ISCA1: variants seen among roughly 807,000 people sequenced by gnomAD.
ISCA1 encodes iron-sulfur cluster assembly 1.
Under a neutral mutation model 14.7 loss-of-function variants are expected in ISCA1, and 9 were observed. That is an observed-to-expected ratio of 0.61 (90% CI 0.37 to 1.07). The LOEUF (loss-of-function observed/expected upper bound fraction) is 1.07. Among genes scored for constraint, ISCA1 ranks in the 50% least tolerant of loss-of-function variants. The pLI, the probability that ISCA1 is intolerant of heterozygous loss-of-function variation, is 0.01. For missense variants in ISCA1, 102 were observed against 150.1 expected (o/e 0.68, Z 1.67); for synonymous variants, 38 against 54.3 (o/e 0.70, Z 1.32).
chr9:86,265,204 C>T lies in ISCA1; in HGVS notation c.*839G>A, dbSNP rs1825279941. 1 of 152,226 alleles carries T rather than the reference C, an allele frequency of 6.6e-6. No individual in the cohort carries two copies. The highest frequency in any genetic ancestry group is 2.1e-4 in the South Asian group (1 of 4,830). 9.4% of individuals were successfully genotyped at this position (152,226 alleles called of 1,614,324 possible). The stretch of plus-strand genomic sequence containing the variant: ...AAAGAAGTCAGACCATTTGCCTTCG[C>T]TGACTGCCTCAGAGGGCAGAGCATG... On this transcript the variant is annotated 3_prime_UTR_variant, in exon 4 of 4. Transcript: ENST00000375991.
intron 2 of ISCA1, among the ~76,000 whole-genome samples, chr9:86,273,876 T>G (rs1825406116): frequency 6.6e-6 from 1 of 152,206 alleles, no homozygotes; most frequent in African/African-American, 2.4e-5. Flanking sequence ...TTCTACAATC[T>G]GCCCTAAAGT....
intron 3 of ISCA1, among the ~76,000 whole-genome samples, chr9:86,269,352 A>G (rs1358453924): frequency 2.0e-5 from 3 of 152,258 alleles, no homozygotes; most frequent in Non-Finnish European, 4.4e-5. Context: ...TGCTTCAAAG[A>G]GAATAAAATA....
chr9:86,277,526 G>A (rs760541209), intron 1 of ISCA1, among the ~76,000 whole-genome samples: 1 of 152,196 alleles, frequency 6.6e-6, no homozygotes, highest in East Asian at 1.9e-4. Context: ...CAGTACCAGG[G>A]AGAGGCTAAG....
chr9:86,281,323 C>T (rs1370214284), intron 1 of ISCA1, among the ~76,000 whole-genome samples: 1 of 152,196 alleles, frequency 6.6e-6, no homozygotes, highest in African/African-American at 2.4e-5. Flanking sequence ...CAATTTTCTT[C>T]TACTTTGCTA....
At chr9:86,270,164 A>C (rs1337611641) in intron 3 of ISCA1, among the ~76,000 whole-genome samples, 85 of 139,546 alleles carry the variant, frequency 6.1e-4, no homozygotes, top group Admixed American at 8.7e-4. Context: ...CAACCTACAA[A>C]ATGGGAGAAA....
In ISCA1 at chr9:86,271,887, C is replaced by A. The variant is rs76881852; in HGVS notation, c.241+120G>T. 4,207 of 636,740 alleles carry A rather than the reference C, an allele frequency of 6.6e-3. 156 individuals are homozygous for A. The East Asian group carries it at 0.083, about 13-fold the overall frequency. 39.4% of individuals were successfully genotyped at this position (636,740 alleles called of 1,614,324 possible). On this transcript the variant is annotated intron_variant, in intron 3 of 3. Transcript: ENST00000375991. The stretch of plus-strand genomic sequence containing the variant: ...GAAATTCCATCAAACAACACCTACA[C>A]ACACAGTGAGCATTATTTACATAAT...
chr9:86,275,749 G>A (rs537454629), intron 1 of ISCA1, among the ~76,000 whole-genome samples: 3 of 152,196 alleles, frequency 2.0e-5, no homozygotes, highest in Non-Finnish European at 4.4e-5. Flanking sequence ...GTTTCCCATG[G>A]TTCTGTCAGA....
intron 3 of ISCA1, among the ~76,000 whole-genome samples, chr9:86,270,383 CCA>C (rs1314090250): frequency 6.6e-6 from 1 of 151,452 alleles, no homozygotes; most frequent in African/African-American, 2.4e-5. Context: ...CAAATCAAAA[CCA>C]CAATGAGATA....
rs985493835 is a variant in ISCA1, at chr9:86,282,178, G to A, written c.81+200C>T. 6 of 616,152 alleles carry A rather than the reference G, an allele frequency of 9.7e-6. No homozygotes were observed. In the South Asian group the frequency reaches 1.1e-4, roughly 11 times the overall value. The allele number at this position is 616,152 out of a possible 1,614,324, so 38.2% of individuals were successfully genotyped here. On this transcript the variant is annotated intron_variant, in intron 1 of 3. Transcript: ENST00000375991. ...CGTAGTTTCCGGGGCCAAGAGAGCAGCCCCGCCCGGGACTTGTTTATCGTT... is the reference window on the plus strand; with the variant it reads ...CGTAGTTTCCGGGGCCAAGAGAGCAACCCCGCCCGGGACTTGTTTATCGTT...
At chr9:86,268,111 TA>T (rs973454445) in intron 3 of ISCA1, among the ~76,000 whole-genome samples, 6 of 147,996 alleles carry the variant, frequency 4.1e-5, no homozygotes, top group Admixed American at 6.7e-5. Flanking sequence ...CTTCTACTTA[TA>T]AAAAAAAAAG....
chr9:86,272,700 A>C (rs1825386485), intron 2 of ISCA1, among the ~76,000 whole-genome samples: 1 of 152,234 alleles, frequency 6.6e-6, no homozygotes, highest in African/African-American at 2.4e-5. Flanking sequence ...AATTGGTTCC[A>C]GGACTAACTG....
intron 3 of ISCA1, among the ~76,000 whole-genome samples, chr9:86,268,121 A>C (rs868720965): frequency 3.3e-5 from 5 of 151,954 alleles, no homozygotes; most frequent in Non-Finnish European, 5.9e-5. Context: ...TAAAAAAAAA[A>C]GTTAACCGTG....
chr9:86,266,613 T>C (rs922583254), intron 3 of ISCA1, among the ~76,000 whole-genome samples: 1 of 152,110 alleles, frequency 6.6e-6, no homozygotes, highest in Non-Finnish European at 1.5e-5. Flanking sequence ...TGTGATACAA[T>C]GGGGCTATTT....
intron 1 of ISCA1, 98 bp downstream of exon 1, chr9:86,282,280 G>C (rs1000895680): frequency 2.3e-6 from 3 of 1,323,906 alleles, no homozygotes; most frequent in Non-Finnish European, 3.1e-6. Flanking sequence ...TGACGTGTCC[G>C]CGTCCCTGCG....
intron 3 of ISCA1, among the ~76,000 whole-genome samples, chr9:86,271,668 T>C (rs1825370158): frequency 6.6e-6 from 1 of 152,238 alleles, no homozygotes; most frequent in Non-Finnish European, 1.5e-5. Flanking sequence ...ACGATGATCT[T>C]TCATAGTTAA....
chr9:86,274,783 C>G (rs745800495), intron 1 of ISCA1, among the ~76,000 whole-genome samples: 11 of 152,046 alleles, frequency 7.2e-5, no homozygotes, highest in Non-Finnish European at 1.2e-4. Context: ...GCTTCTTGCA[C>G]CAGTCCCACC....
At position 86,276,870 on chromosome 9, in the gene ISCA1, C is replaced by CAAAA. The variant is rs35460722; in HGVS notation, c.82-2632_82-2629dup. On this transcript the variant is annotated intron_variant, in intron 1 of 3. Transcript: ENST00000375991. ...TGGGAAACAGAGTGAGACTCTGTCTCAAAAAAAAAAAAAAAAAAAAAAAAA... is the reference window on the plus strand; with the variant it reads ...TGGGAAACAGAGTGAGACTCTGTCTCAAAAAAAAAAAAAAAAAAAAAAAAAAAAA... Among the ~76,000 whole-genome samples the CAAAA allele has an allele frequency of 7.7e-3, 309 of 39,880 alleles. 42 individuals carry two copies. The highest frequency in any genetic ancestry group is 0.042 in the Middle Eastern group (1 of 24). The allele number at this position is 39,880 out of a possible 152,430, so 26.2% of individuals were successfully genotyped here.
At chr9:86,281,827 C>T (rs771629593) in intron 1 of ISCA1, 33 of 153,882 alleles carry the variant, frequency 2.1e-4, no homozygotes, top group Non-Finnish European at 3.8e-4. Flanking sequence ...CCCAGGACAC[C>T]GGCAAGTAAC....
rs1338558501 is a variant in ISCA1 at position 86,265,950 on chromosome 9, T to C, written c.*93A>G. 3 of 1,544,056 alleles carry C rather than the reference T, an allele frequency of 1.9e-6. No individual in the cohort carries two copies. In the African/African-American group the frequency reaches 4.1e-5, roughly 21 times the overall value. The stretch of plus-strand genomic sequence containing the variant: ...TCATTTTCAAGATGTATCACTTTAT[T>C]TTCCAGCACGTGACAGTCACATGAT... On this transcript the variant is annotated 3_prime_UTR_variant, in exon 4 of 4. Transcript: ENST00000375991.
Sources: allele counts gnomAD v4.1 joint callset (sites outside exome capture counted in the v4.1 genomes callset), GRCh38; gene constraint gnomAD v4.1.1; transcripts MANE v1.5; gene names NCBI Gene and HGNC (gene_info 2026-07-23, HGNC 2026-07-21).